TMED8: variants seen among roughly 807,000 people sequenced by gnomAD.
TMED8 encodes transmembrane p24 trafficking protein family member 8, also known as protein TMED8.
In TMED8, 15 loss-of-function variants were observed where a neutral mutation model predicts 32.7. That is an observed-to-expected ratio of 0.46 (90% CI 0.31 to 0.71). The LOEUF is 0.71. Among genes scored for constraint, TMED8 ranks in the 30% least tolerant of loss-of-function variants. TMED8 has a pLI of 0.06. For synonymous variants in TMED8, 147 were observed against 161.4 expected, an observed-to-expected ratio of 0.91 and a Z score of 0.68; for missense variants, 390 against 423.9, an observed-to-expected ratio of 0.92 and a Z score of 0.70.
chr14:77,372,172 C>G (rs1714435517), intron 1 of TMED8, among the ~76,000 whole-genome samples: 1 of 152,074 alleles, frequency 6.6e-6, no homozygotes, highest in Admixed American at 6.6e-5. Context: ...CATTGATGGC[C>G]ACTAAAGCAA....
intron 2 of TMED8, among the ~76,000 whole-genome samples, chr14:77,350,288 G>C (rs780084499): frequency 3.9e-5 from 6 of 152,130 alleles, no homozygotes; most frequent in Admixed American, 6.6e-5. Context: ...AGTATGATGT[G>C]TAATTGTTTT....
At chr14:77,361,049 T>C (rs1412026510) in intron 1 of TMED8, among the ~76,000 whole-genome samples, 1 of 143,870 alleles carries the variant, frequency 7.0e-6, no homozygotes, top group East Asian at 2.1e-4. Context: ...CAATCTCGGC[T>C]CACTGCAACA....
chr14:77,369,168 T>C (rs998553391), intron 1 of TMED8, among the ~76,000 whole-genome samples: 13 of 152,258 alleles, frequency 8.5e-5, no homozygotes, highest in African/African-American at 3.1e-4. Flanking sequence ...CCCACTGCTC[T>C]ATGTTAACAA....
At chr14:77,352,371 A>G (rs1291504568) in intron 1 of TMED8, among the ~76,000 whole-genome samples, 1 of 151,758 alleles carries the variant, frequency 6.6e-6, no homozygotes, top group Non-Finnish European at 1.5e-5. Context: ...CAGAGATCAC[A>G]CCATTGCACT....
Position 77,338,313 on chromosome 14 carries a change from CCTT to C in TMED8, c.*3455_*3457del, listed in dbSNP as rs781498205. On this transcript the variant is annotated 3_prime_UTR_variant, in exon 6 of 6. Coordinates refer to ENST00000216468, the MANE Select transcript of TMED8 (RefSeq NM_213601.3). ...GGAAACTGCATTCTGTAGAGAATCT[CCTT>C]CTCTTATTAGGTCTTTTCTGGAGAG... 6.6e-6 allele frequency: 1 copy of C among 152,182 alleles called. No individual in the cohort carries two copies. The highest frequency in any genetic ancestry group is 1.5e-5 in the Non-Finnish European group (1 of 68,044). The allele number at this position is 152,182 out of a possible 1,614,324, so 9.4% of individuals were successfully genotyped here.
Position 77,341,783 on chromosome 14 carries a change from G to A in TMED8, c.966C>T (p.Tyr322=), listed in dbSNP as rs1400007164. 14 of 1,614,188 alleles carry A rather than the reference G, an allele frequency of 8.7e-6. No individual in the cohort carries two copies. Among genetic ancestry groups the A allele is most frequent in the Non-Finnish European group, 1.1e-5 (13 of 1,180,032 alleles). The change falls in exon 6 of 6, where the codon TAC becomes TAT. Residue 322 remains tyrosine (Y), a synonymous_variant. Coordinates refer to ENST00000216468, the MANE Select transcript of TMED8 (RefSeq NM_213601.3). ...TCCCAGCAGTCCTTCAGCTGGTGTA[G>A]TAGATGTGGAAGTAGAGAGTCTTGT... ...LRNKTLYFHI[Y]YTS is the part of the protein sequence containing the mutation.
chr14:77,342,083 G>T, intron 5 of TMED8, 95 bp from the exon 6 acceptor site: 1 of 1,037,972 alleles, frequency 9.6e-7, no homozygotes, highest in Non-Finnish European at 1.4e-6. Flanking sequence ...TTCACAGAGC[G>T]GGGAGATTAT....
intron 1 of TMED8, among the ~76,000 whole-genome samples, chr14:77,372,938 ATATATATATATATATTTTTTTTTTTT>A (rs1480137722): frequency 2.9e-4 from 8 of 27,980 alleles, no homozygotes; most frequent in African/African-American, 1.7e-3. Flanking sequence ...ATATATATAT[ATATATATATATATATTTTTTTTTTTT>A]TTTTTTTTTT....
chr14:77,351,411 A>ATTTTTTTTTTTTTTTTTTTTTTTTTTTT (rs1181134385), intron 2 of TMED8, among the ~76,000 whole-genome samples: 1 of 102,134 alleles, frequency 9.8e-6, no homozygotes, highest in African/African-American at 4.2e-5. Context: ...CGCCCCGCTA[A>ATTTTTTTTTTTTTTTTTTTTTTTTTTTT]TTTTTTTTTT....
intron 1 of TMED8, among the ~76,000 whole-genome samples, chr14:77,371,067 T>A (rs565803243): frequency 3.7e-4 from 57 of 152,332 alleles, no homozygotes; most frequent in African/African-American, 1.3e-3. Flanking sequence ...CATTCTTTTC[T>A]ACAGCTGATT....
intron 1 of TMED8, among the ~76,000 whole-genome samples, chr14:77,362,364 G>A (rs965414803): frequency 1.4e-4 from 21 of 151,894 alleles, no homozygotes; most frequent in African/African-American, 3.4e-4. Flanking sequence ...TCTTTATTAC[G>A]TTGAGTAAAT....
intron 2 of TMED8, among the ~76,000 whole-genome samples, chr14:77,348,505 G>T (rs754353623): frequency 3.9e-5 from 6 of 152,198 alleles, no homozygotes; most frequent in Non-Finnish European, 7.3e-5. Flanking sequence ...TTACAGGCAT[G>T]AGCCACCGCG....
chr14:77,376,932 G>C lies in TMED8; in HGVS notation c.118+4C>G. On this transcript the variant is annotated splice_donor_region_variant and intron_variant, in intron 1 of 5. Transcript: ENST00000216468. The surrounding 1 kb of genome is among the most constrained non-coding windows in gnomAD (Gnocchi z 4.0). ...CCACCCGCCAGCGCCCCGGCCTTGC[G>C]TACCTGAGGCGGCCGCCTGGCTCCC... The C allele has an allele frequency of 6.9e-7, 1 of 1,444,046 alleles. No individual in the cohort carries two copies. Among genetic ancestry groups the C allele is most frequent in the African/African-American group, 1.5e-5 (1 of 67,482 alleles). The allele number at this position is 1,444,046 out of a possible 1,614,324, so 89.5% of individuals were successfully genotyped here. A position where few individuals can be genotyped will look rare whatever the true frequency, so the allele number is the denominator to read the frequency against.
rs1892845864 is a variant in TMED8 at position 77,339,628 on chromosome 14, G to C, written c.*2143C>G. The stretch of plus-strand genomic sequence containing the variant: ...GCATGATTCAACTTCAATGATGCAA[G>C]AGCGGTCACTCAGCTATCCAATGGG... On this transcript the variant is annotated 3_prime_UTR_variant, in exon 6 of 6. Coordinates refer to ENST00000216468, the MANE Select transcript of TMED8 (RefSeq NM_213601.3). 6.6e-6 allele frequency: 1 copy of C among 152,238 alleles called. No individual in the cohort carries two copies. The highest frequency in any genetic ancestry group is 2.1e-4 in the South Asian group (1 of 4,836). 9.4% of individuals were successfully genotyped at this position (152,238 alleles called of 1,614,324 possible). A position where few individuals can be genotyped will look rare whatever the true frequency, so the allele number is the denominator to read the frequency against.
chr14:77,342,294 T>C (rs577549187), intron 5 of TMED8, among the ~76,000 whole-genome samples: 74 of 152,296 alleles, frequency 4.9e-4, no homozygotes, highest in African/African-American at 1.6e-3. Flanking sequence ...CCTTCCTAGC[T>C]TCAGAAGTGT....
chr14:77,358,124 CAAAAAAAA>C (rs35361617), intron 1 of TMED8, among the ~76,000 whole-genome samples: 2 of 76,232 alleles, frequency 2.6e-5, no homozygotes, highest in Admixed American at 1.8e-4. Flanking sequence ...GCTCTGTCTC[CAAAAAAAA>C]AAAAAAAAAA....
At position 77,341,908 on chromosome 14, in the gene TMED8, G is replaced by A. The variant is rs140216811; in HGVS notation, c.841C>T (p.Arg281Trp). Residue 281 changes from arginine (R) to tryptophan (W), a missense_variant, in exon 6 of 6, where the codon CGG (arginine) becomes TGG (tryptophan). Arg to Trp is a moderately radical substitution (Grantham distance 101). Transcript: ENST00000216468. ...GRYGEVMPVY[R>W]RDSHRDVQAG... The stretch of plus-strand genomic sequence containing the variant: ...TGCACGTCTCGGTGGCTGTCCCGCC[G>A]GTACACAGGCATGACCTCCCCATAG... 25 of 1,611,302 alleles carry A rather than the reference G, an allele frequency of 1.6e-5. No individual in the cohort carries two copies. The highest frequency in any genetic ancestry group is 4.1e-5 in the African/African-American group (3 of 73,970).
At chr14:77,361,306 A>C (rs1893428546) in intron 1 of TMED8, among the ~76,000 whole-genome samples, 1 of 152,096 alleles carries the variant, frequency 6.6e-6, no homozygotes, top group African/African-American at 2.4e-5. Context: ...TGCATGTGGA[A>C]ATCCAGTTTT....
intron 1 of TMED8, among the ~76,000 whole-genome samples, chr14:77,372,939 TA>T (rs1566696505): frequency 1.1e-3 from 38 of 33,916 alleles, no homozygotes; most frequent in African/African-American, 3.6e-3. Flanking sequence ...TATATATATA[TA>T]TATATATATA....
Sources: gnomAD v4.1 joint callset for allele counts (sites outside exome capture counted in the v4.1 genomes callset) on GRCh38, gnomAD v4.1.1 for gene constraint, Gnocchi (gnomAD v3.1) non-coding constraint, MANE v1.5 for transcripts, NCBI Gene and HGNC (gene_info 2026-07-23, HGNC 2026-07-21) for gene names.